The following GABRB2 variants were observed in gnomAD, a reference collection of about 807,000 sequenced individuals.
The protein encoded by GABRB2 is gamma-aminobutyric acid receptor subunit beta-2.
Under a neutral mutation model 54.7 loss-of-function variants are expected in GABRB2, and 16 were observed. The observed-to-expected ratio is 0.29, with a 90% confidence interval of 0.20 to 0.44. GABRB2 has a LOEUF of 0.44. GABRB2 is among the 20% of genes least tolerant of loss of function. The pLI, the probability that GABRB2 is intolerant of heterozygous loss-of-function variation, is 1.00. For synonymous variants in GABRB2, 244 were observed against 233.8 expected (o/e 1.04, Z -0.40); for missense variants, 355 against 644.0 (o/e 0.55, Z 4.86).
At chr5:161,334,953 G>C in intron 6 of GABRB2, 49 bp from the exon 7 acceptor site, 1 of 1,573,530 alleles carries the variant, frequency 6.4e-7, no homozygotes, top group Admixed American at 1.7e-5. Flanking sequence ...ATATTTATAG[G>C]ATACTTTTCT....
At chr5:161,334,537 C>T (rs1048674290) in intron 7 of GABRB2, among the ~76,000 whole-genome samples, 2 of 152,062 alleles carry the variant, frequency 1.3e-5, no homozygotes, top group Non-Finnish European at 2.9e-5. Flanking sequence ...AACAGATATA[C>T]GGTTAACTAA....
intron 3 of GABRB2, among the ~76,000 whole-genome samples, chr5:161,501,173 A>C (rs1359133840): frequency 6.6e-6 from 1 of 152,188 alleles, no homozygotes; most frequent in Non-Finnish European, 1.5e-5. Context: ...TCACTGAATA[A>C]ATTATAAAAC....
At chr5:161,411,109 C>T (rs1756506451) in intron 4 of GABRB2, 52 bp from the exon 5 acceptor site, 1 of 1,386,894 alleles carries the variant, frequency 7.2e-7, no homozygotes, top group Non-Finnish European at 1.0e-6. Context: ...AAGGCTGGAG[C>T]TGGAAATTTA....
In GABRB2 at chr5:161,288,766, A is replaced by G. The variant is rs1757153209; in HGVS notation, c.*5315T>C. The G allele has an allele frequency of 6.6e-6, 1 of 150,542 alleles. No homozygotes were observed. The highest frequency in any genetic ancestry group is 1.5e-5 in the Non-Finnish European group (1 of 67,700). The allele number at this position is 150,542 out of a possible 1,614,324, so 9.3% of individuals were successfully genotyped here. ...CACTACATTGTGAAGAAACTAGAAT[A>G]TCACTTTTTTTTTTTATAAAAGGAC... is the stretch of plus-strand genomic sequence containing the variant. On this transcript the variant is annotated 3_prime_UTR_variant, in exon 10 of 10. Coordinates refer to ENST00000393959, the MANE Select transcript of GABRB2 (RefSeq NM_001371727.1).
intron 9 of GABRB2, among the ~76,000 whole-genome samples, chr5:161,309,535 A>G (rs576392919): frequency 6.8e-4 from 104 of 152,278 alleles, no homozygotes; most frequent in Admixed American, 2.6e-3. Flanking sequence ...GTAATTTTTT[A>G]TATTATAAAG....
At chr5:161,408,719 A>T (rs551358691) in intron 5 of GABRB2, among the ~76,000 whole-genome samples, 13 of 152,072 alleles carry the variant, frequency 8.5e-5, no homozygotes, top group African/African-American at 3.1e-4. Context: ...GGGAGGGAAA[A>T]ACAGAGGGAA....
Position 161,546,388 on chromosome 5 carries a change from G to C in GABRB2, c.103C>G (p.Leu35Val). The C allele has an allele frequency of 1.2e-6, 2 of 1,614,090 alleles. No individual in the cohort carries two copies. The highest frequency in any genetic ancestry group is 1.7e-6 in the Non-Finnish European group (2 of 1,179,960). ...QSVNDPSNMS[L>V]VKETVDRLLK... ...AGTCTATCCACCGTCTCTTTAACCA[G>C]CGACATATTACTAGGGTCATTGACA... is the stretch of plus-strand genomic sequence containing the variant. Residue 35 changes from leucine to valine, a missense_variant, in exon 2 of 10, where the codon CTG becomes GTG. Leu to Val is a conservative substitution (Grantham distance 32, BLOSUM62 1). Coordinates refer to ENST00000393959, the MANE Select transcript of GABRB2 (RefSeq NM_001371727.1).
intron 3 of GABRB2, among the ~76,000 whole-genome samples, chr5:161,507,268 A>T (rs1023158149): frequency 1.3e-5 from 2 of 152,072 alleles, no homozygotes; most frequent in African/African-American, 2.4e-5. Flanking sequence ...TTAATATAAA[A>T]ATTGGAAAAG....
chr5:161,477,230 ATATC>A (rs1188507168), intron 3 of GABRB2, among the ~76,000 whole-genome samples: 1 of 151,078 alleles, frequency 6.6e-6, no homozygotes, highest in African/African-American at 2.4e-5. Flanking sequence ...CTACAATGAG[ATATC>A]TATCACTTTG....
chr5:161,479,354 T>C (rs1758687206), intron 3 of GABRB2, among the ~76,000 whole-genome samples: 1 of 152,054 alleles, frequency 6.6e-6, no homozygotes. Flanking sequence ...GCTTACCTTC[T>C]GCAAGTGCAG....
chr5:161,480,243 G>C (rs1377803443), intron 3 of GABRB2, among the ~76,000 whole-genome samples: 4 of 152,122 alleles, frequency 2.6e-5, no homozygotes, highest in Non-Finnish European at 1.5e-5. Context: ...AGTATCACTG[G>C]TCTGTTCAAT....
chr5:161,353,869 C>T (rs1754541990), intron 5 of GABRB2, among the ~76,000 whole-genome samples: 1 of 151,930 alleles, frequency 6.6e-6, no homozygotes, highest in Non-Finnish European at 1.5e-5. Context: ...TTTCTTTAGT[C>T]CCCAAGGATT....
At chr5:161,367,714 G>C (rs796265931) in intron 5 of GABRB2, among the ~76,000 whole-genome samples, 2 of 151,722 alleles carry the variant, frequency 1.3e-5, no homozygotes, top group South Asian at 4.2e-4. Context: ...TCTAAAACAC[G>C]GCAAAAAAAT....
chr5:161,530,311 G>A (rs1341149877), intron 3 of GABRB2, among the ~76,000 whole-genome samples: 1 of 152,072 alleles, frequency 6.6e-6, no homozygotes, highest in East Asian at 1.9e-4. Flanking sequence ...AATTAAAAAT[G>A]TCCCACTAAA....
At chr5:161,424,667 T>C (rs1312447170) in intron 4 of GABRB2, among the ~76,000 whole-genome samples, 1 of 152,112 alleles carries the variant, frequency 6.6e-6, no homozygotes, top group Admixed American at 6.6e-5. Context: ...AGGAAATTAA[T>C]ATTTTTAGGC....
At chr5:161,390,042 T>C (rs1388910166) in intron 5 of GABRB2, among the ~76,000 whole-genome samples, 1 of 152,082 alleles carries the variant, frequency 6.6e-6, no homozygotes, top group African/African-American at 2.4e-5. Flanking sequence ...TTAGGCAACA[T>C]ATATTACTTG....
intron 3 of GABRB2, among the ~76,000 whole-genome samples, chr5:161,467,135 C>A (rs1361075426): frequency 2.6e-5 from 4 of 152,012 alleles, no homozygotes; most frequent in Non-Finnish European, 5.9e-5. Flanking sequence ...TTGAAAATTA[C>A]CATTACTGAA....
intron 3 of GABRB2, among the ~76,000 whole-genome samples, chr5:161,517,284 C>A (rs1283273077): frequency 6.6e-6 from 1 of 152,084 alleles, no homozygotes; most frequent in African/African-American, 2.4e-5. Context: ...AACTATTGAT[C>A]TAATAGGATA....
intron 5 of GABRB2, among the ~76,000 whole-genome samples, chr5:161,387,708 AG>A (rs1421228323): frequency 6.6e-6 from 1 of 152,186 alleles, no homozygotes; most frequent in Non-Finnish European, 1.5e-5. Context: ...TCTTTAGGGA[AG>A]AACTATATAG....
Sources: gnomAD v4.1 joint callset for allele counts (sites outside exome capture counted in the v4.1 genomes callset) on GRCh38, gnomAD v4.1.1 for gene constraint, MANE v1.5 for transcripts, NCBI Gene and HGNC (gene_info 2026-07-23, HGNC 2026-07-21) for gene names.